Variants in SMG6 observed in about 807,000 individuals in gnomAD.
The protein encoded by SMG6 is telomerase-binding protein EST1A.
A neutral mutation model predicts 142.2 loss-of-function variants in SMG6; 66 were observed. The observed-to-expected ratio is 0.46, with a 90% CI of 0.38 to 0.57. SMG6 has a LOEUF of 0.57. Ranked by LOEUF, SMG6 falls within the 20% of genes least tolerant of loss-of-function variation. SMG6 has a pLI of 0.00. For missense variants in SMG6, 1,793 were observed against 1,832.0 expected (o/e 0.98, Z 0.39); for synonymous variants, 779 against 702.4 (o/e 1.11, Z -1.72).
At chr17:2,100,634 G>A (rs1419980861) in intron 13 of SMG6, among the ~76,000 whole-genome samples, 2 of 152,168 alleles carry the variant, frequency 1.3e-5, no homozygotes, top group Non-Finnish European at 1.5e-5. Flanking sequence ...GGAGTGCTGT[G>A]GTGTAAACAC....
At chr17:2,093,486 A>G (rs2068778056) in intron 13 of SMG6, among the ~76,000 whole-genome samples, 1 of 152,092 alleles carries the variant, frequency 6.6e-6, no homozygotes, top group South Asian at 2.1e-4. Context: ...TGGGCCCAGT[A>G]GGTGCTCGAT....
intron 1 of SMG6, among the ~76,000 whole-genome samples, chr17:2,302,658 T>C (rs1021564403): frequency 2.6e-5 from 4 of 152,204 alleles, no homozygotes; most frequent in Non-Finnish European, 1.5e-5. Flanking sequence ...TTACTGTTTG[T>C]AGGTGTAAGG....
At chr17:2,139,557 G>A (rs1448620703) in intron 13 of SMG6, among the ~76,000 whole-genome samples, 1 of 151,878 alleles carries the variant, frequency 6.6e-6, no homozygotes, top group Non-Finnish European at 1.5e-5. Flanking sequence ...AAGGAGCTGG[G>A]ATCACAGGCG....
intron 10 of SMG6, chr17:2,236,231 T>G: frequency 1.0e-5 from 3 of 288,806 alleles, no homozygotes; most frequent in South Asian, 7.6e-5. Flanking sequence ...CGTGGCCAGA[T>G]GTGCAACTGC....
intron 10 of SMG6, among the ~76,000 whole-genome samples, chr17:2,194,744 C>T (rs1175478585): frequency 6.6e-6 from 1 of 150,912 alleles, no homozygotes; most frequent in Admixed American, 6.6e-5. Flanking sequence ...TCAAAAGAGG[C>T]TGGAGATAAT....
intron 12 of SMG6, among the ~76,000 whole-genome samples, chr17:2,184,581 T>C (rs1241224937): frequency 7.8e-6 from 1 of 128,180 alleles, no homozygotes; most frequent in Non-Finnish European, 1.6e-5. Context: ...TGCTTGAACA[T>C]GGGAGGCTGA....
At chr17:2,087,104 T>G (rs1234721672) in intron 13 of SMG6, 4 of 1,290,450 alleles carry the variant, frequency 3.1e-6, no homozygotes, top group Non-Finnish European at 2.0e-6. Flanking sequence ...ATTTTACAGG[T>G]GCAGGTGTTC....
intron 10 of SMG6, among the ~76,000 whole-genome samples, chr17:2,217,006 G>A (rs2073038353): frequency 6.6e-6 from 1 of 152,142 alleles, no homozygotes; most frequent in Non-Finnish European, 1.5e-5. Context: ...TTTATGGGAA[G>A]GGGAGAAACA....
rs146595477 is a variant in SMG6, at chr17:2,123,916, C to T, written c.3358-38015G>A. 7.9e-5 allele frequency among the ~76,000 whole-genome samples: 12 copies of T among 152,280 alleles called. No homozygotes were observed. In the East Asian group the frequency reaches 1.3e-3, roughly 17 times the overall value. On this transcript the variant is annotated intron_variant, in intron 13 of 18. Coordinates refer to ENST00000263073, the MANE Select transcript of SMG6 (RefSeq NM_017575.5). Reference sequence around the variant, plus strand: ...CAGGAAGAGAGTGCTATCTGCTCACCCCACCCTCCATTTAACACTGCCCCA... The same window carrying T: ...CAGGAAGAGAGTGCTATCTGCTCACTCCACCCTCCATTTAACACTGCCCCA...
chr17:2,138,427 G>GCCTACAGTGTAGACAGACTGTGC (rs2070373686), intron 13 of SMG6, among the ~76,000 whole-genome samples: 2 of 152,266 alleles, frequency 1.3e-5, no homozygotes, highest in South Asian at 2.1e-4. Context: ...AGTGGCTGTG[G>GCCTACAGTGTAGACAGACTGTGC]CCTACAGTGT....
intron 12 of SMG6, among the ~76,000 whole-genome samples, chr17:2,185,665 G>A (rs2071957778): frequency 6.6e-6 from 1 of 152,074 alleles, no homozygotes. Context: ...GACAGGGGGC[G>A]AGGGCAGGCT....
intron 13 of SMG6, among the ~76,000 whole-genome samples, chr17:2,122,694 T>G (rs1181726721): frequency 6.6e-6 from 1 of 152,192 alleles, no homozygotes; most frequent in East Asian, 1.9e-4. Flanking sequence ...CTCCAGTAGT[T>G]CTGTGTCTGG....
intron 13 of SMG6, among the ~76,000 whole-genome samples, chr17:2,166,083 G>A (rs548290726): frequency 6.6e-6 from 1 of 152,036 alleles, no homozygotes; most frequent in African/African-American, 2.4e-5. Flanking sequence ...GTGGTGGCAG[G>A]TGCCTGAAAT....
intron 8 of SMG6, among the ~76,000 whole-genome samples, chr17:2,271,117 T>C (rs1249822252): frequency 2.3e-5 from 2 of 85,258 alleles, no homozygotes; most frequent in African/African-American, 1.3e-4. Context: ...TTTTTTCTGG[T>C]TTTTTTTTTT....
At chr17:2,100,833 C>T (rs987393234) in intron 13 of SMG6, among the ~76,000 whole-genome samples, 3 of 151,900 alleles carry the variant, frequency 2.0e-5, no homozygotes, top group Non-Finnish European at 4.4e-5. Flanking sequence ...AGGTGTGAGC[C>T]ACAGCACCTG....
intron 13 of SMG6, among the ~76,000 whole-genome samples, chr17:2,169,438 C>T (rs939249464): frequency 1.4e-4 from 22 of 152,138 alleles, no homozygotes; most frequent in Non-Finnish European, 3.1e-4. Context: ...ATGTTATTTT[C>T]CCCTGCCGTG....
At chr17:2,283,936 C>T (rs1191939960) in intron 6 of SMG6, among the ~76,000 whole-genome samples, 1 of 152,132 alleles carries the variant, frequency 6.6e-6, no homozygotes, top group Non-Finnish European at 1.5e-5. Context: ...AGTATTATAT[C>T]TTACATGCAG....
At chr17:2,092,317 G>C (rs9912392) in intron 13 of SMG6, among the ~76,000 whole-genome samples, 83,056 of 151,664 alleles carry the variant, frequency 0.55, 23,235 homozygotes, top group Admixed American at 0.63. Flanking sequence ...CTAGCTGAAG[G>C]GTCATTGGGT....
chr17:2,243,791 AAGGGTAG>A (rs1320827384), intron 9 of SMG6, among the ~76,000 whole-genome samples: 1 of 152,218 alleles, frequency 6.6e-6, no homozygotes, highest in Non-Finnish European at 1.5e-5. Context: ...AATCACCCCA[AAGGGTAG>A]CTCACAATAC....
Sources: gnomAD v4.1 joint callset for allele counts (sites outside exome capture counted in the v4.1 genomes callset) on GRCh38, gnomAD v4.1.1 for gene constraint, MANE v1.5 for transcripts, NCBI Gene and HGNC (gene_info 2026-07-23, HGNC 2026-07-21) for gene names.